Variants in N4BP2L2 observed in about 807,000 individuals in gnomAD.
N4BP2L2 encodes NEDD4-binding protein 2-like 2.
Under a neutral mutation model 56.2 loss-of-function variants are expected in N4BP2L2, and 50 were observed. That is an observed-to-expected ratio of 0.89 (90% CI 0.71 to 1.13). The LOEUF is 1.13. Among genes scored for constraint, N4BP2L2 ranks in the 50% most tolerant of loss-of-function variants. The pLI, the probability that N4BP2L2 is intolerant of heterozygous loss-of-function variation, is 0.00. For synonymous variants in N4BP2L2, 203 were observed against 223.6 expected, an observed-to-expected ratio of 0.91 and a Z score of 0.82; for missense variants, 689 against 693.8, an observed-to-expected ratio of 0.99 and a Z score of 0.08.
chr13:32,518,409 G>C (rs1187338031), intron 5 of N4BP2L2, among the ~76,000 whole-genome samples: 1 of 152,106 alleles, frequency 6.6e-6, no homozygotes, highest in African/African-American at 2.4e-5. Flanking sequence ...TATGACAGTT[G>C]CTATCACATT....
At chr13:32,519,092 G>C (rs969501713) in intron 5 of N4BP2L2, among the ~76,000 whole-genome samples, 1 of 151,922 alleles carries the variant, frequency 6.6e-6, no homozygotes, top group African/African-American at 2.4e-5. Context: ...GATAAGAAAA[G>C]AAAGCAAAAA....
At chr13:32,469,994 G>C (rs576218061) in intron 6 of N4BP2L2, among the ~76,000 whole-genome samples, 1 of 152,218 alleles carries the variant, frequency 6.6e-6, no homozygotes, top group Admixed American at 6.5e-5. Flanking sequence ...CCCTGAACAC[G>C]TATAAGTTTC....
intron 6 of N4BP2L2, among the ~76,000 whole-genome samples, chr13:32,454,944 T>C (rs1211042893): frequency 3.3e-5 from 5 of 151,976 alleles, no homozygotes; most frequent in African/African-American, 1.2e-4. Flanking sequence ...AGAGAAAGGG[T>C]CAATGACCAC....
At chr13:32,484,133 G>C (rs1199087083) in intron 6 of N4BP2L2, among the ~76,000 whole-genome samples, 1 of 151,182 alleles carries the variant, frequency 6.6e-6, no homozygotes, top group Non-Finnish European at 1.5e-5. Flanking sequence ...GACCAGCCTG[G>C]GCATTATGGC....
intron 6 of N4BP2L2, among the ~76,000 whole-genome samples, chr13:32,462,127 G>A (rs559744011): frequency 1.3e-5 from 2 of 152,190 alleles, no homozygotes; most frequent in East Asian, 3.9e-4. Flanking sequence ...TTATATCAAA[G>A]GGATACATGC....
In N4BP2L2 at chr13:32,521,501, T is replaced by C. The variant is rs187413774; in HGVS notation, c.1474-52A>G. On this transcript the variant is annotated intron_variant, in intron 4 of 5. Coordinates refer to ENST00000267068, the Ensembl canonical transcript of N4BP2L2. Reference sequence around the variant, plus strand: ...AAACCCAGAGAAGTACTTCTTAAAGTAAAAAGAAGGCAGACAGTTAAATTT... The same window carrying C: ...AAACCCAGAGAAGTACTTCTTAAAGCAAAAAGAAGGCAGACAGTTAAATTT... 71 of 1,261,624 alleles carry C rather than the reference T, an allele frequency of 5.6e-5. No individual in the cohort carries two copies. The East Asian group carries it at 1.3e-3, about 24-fold the overall frequency. The allele number at this position is 1,261,624 out of a possible 1,614,324, so 78.2% of individuals were successfully genotyped here.
intron 6 of N4BP2L2, among the ~76,000 whole-genome samples, chr13:32,451,530 A>C (rs1231157068): frequency 1.3e-5 from 2 of 151,994 alleles, no homozygotes; most frequent in African/African-American, 4.8e-5. Context: ...TTAGCTAGAA[A>C]ATATAAGTTA....
At chr13:32,446,275 C>G in intron 6 of N4BP2L2, 1 of 923,620 alleles carries the variant, frequency 1.1e-6, no homozygotes, top group Non-Finnish European at 1.5e-6. Context: ...TACCTAGAAA[C>G]AGTTGTGATG....
intron 6 of N4BP2L2, among the ~76,000 whole-genome samples, chr13:32,500,789 T>C (rs909567508): frequency 5.9e-5 from 9 of 151,654 alleles, no homozygotes; most frequent in African/African-American, 2.2e-4. Flanking sequence ...ATAAATGTCG[T>C]CTTGTGCCTT....
At chr13:32,491,881 C>T (rs914047860) in intron 6 of N4BP2L2, among the ~76,000 whole-genome samples, 20 of 152,110 alleles carry the variant, frequency 1.3e-4, no homozygotes, top group East Asian at 3.9e-4. Flanking sequence ...CTGCCCGCTT[C>T]GGCGTCCCAA....
chr13:32,455,858 A>G (rs1012067028), intron 6 of N4BP2L2, among the ~76,000 whole-genome samples: 4 of 152,110 alleles, frequency 2.6e-5, no homozygotes, highest in African/African-American at 7.2e-5. Flanking sequence ...CACCCACTCA[A>G]ATGTCCCACC....
chr13:32,492,273 ATTTTT>A (rs72053635), intron 6 of N4BP2L2, among the ~76,000 whole-genome samples: 22 of 72,128 alleles, frequency 3.1e-4, no homozygotes, highest in African/African-American at 8.5e-4. Context: ...AAACACCAAA[ATTTTT>A]TTTTTTTTTT....
At chr13:32,504,004 A>AAAAT (rs1486486392) in intron 6 of N4BP2L2, among the ~76,000 whole-genome samples, 1 of 152,226 alleles carries the variant, frequency 6.6e-6, no homozygotes, top group Non-Finnish European at 1.5e-5. Flanking sequence ...ACTCTCTTAA[A>AAAAT]AAATAAATAA....
chr13:32,479,398 G>A (rs2084079515), intron 6 of N4BP2L2, among the ~76,000 whole-genome samples: 1 of 151,652 alleles, frequency 6.6e-6, no homozygotes, highest in African/African-American at 2.4e-5. Flanking sequence ...CTCCTGAGTA[G>A]CTGGGACTAC....
chr13:32,519,321 A>T (rs1355538029), intron 5 of N4BP2L2, among the ~76,000 whole-genome samples: 1 of 151,744 alleles, frequency 6.6e-6, no homozygotes, highest in Non-Finnish European at 1.5e-5. Flanking sequence ...AGGTGGGTAG[A>T]TCGCTTGAGT....
chr13:32,535,858 C>T, exon 2 of N4BP2L2: 1 of 1,614,100 alleles, frequency 6.2e-7, no homozygotes, highest in Non-Finnish European at 8.5e-7. Context: ...CTTGAAACTG[C>T]TGGTTCACAA....
At chr13:32,509,694 T>G (rs1437827621), downstream of N4BP2L2, among the ~76,000 whole-genome samples, 1 of 152,224 alleles carries the variant, frequency 6.6e-6, no homozygotes, top group Non-Finnish European at 1.5e-5. Context: ...AGGGTTACAT[T>G]GAACTATATT....
At chr13:32,496,302 T>C (rs1388987286) in intron 6 of N4BP2L2, among the ~76,000 whole-genome samples, 1 of 152,222 alleles carries the variant, frequency 6.6e-6, no homozygotes, top group African/African-American at 2.4e-5. Flanking sequence ...TTGGGTCAGC[T>C]GGCTGATATG....
At chr13:32,492,918 T>TTTTTG (rs1555263074) in intron 6 of N4BP2L2, among the ~76,000 whole-genome samples, 1 of 137,898 alleles carries the variant, frequency 7.3e-6, no homozygotes, top group African/African-American at 2.7e-5. Context: ...GCTTTTCTGT[T>TTTTTG]TTTTTTTTTT....
Sources: gnomAD v4.1 joint callset for allele counts (sites outside exome capture counted in the v4.1 genomes callset) on GRCh38, gnomAD v4.1.1 for gene constraint, MANE v1.5 for transcripts, NCBI Gene and HGNC (gene_info 2026-07-23, HGNC 2026-07-21) for gene names.